The following IL1RAPL1 variants were observed in gnomAD, a reference collection of about 807,000 sequenced individuals.
The protein encoded by IL1RAPL1 is interleukin 1 receptor accessory protein like 1.
A neutral mutation model predicts 48.4 loss-of-function variants in IL1RAPL1; 3 were observed. That is an observed-to-expected ratio of 0.06 (90% CI 0.03 to 0.16). The LOEUF is 0.16. Among genes scored for constraint, IL1RAPL1 ranks in the 10% least tolerant of loss-of-function variants. The probability of loss-of-function intolerance (pLI) is 1.00; values close to 1 mark genes in which losing one functional copy is unlikely to be tolerated. For synonymous variants in IL1RAPL1, 185 were observed against 187.7 expected (o/e 0.99, Z 0.12); for missense variants, 349 against 530.6 (o/e 0.66, Z 3.36).
chrX:28,972,611 T>C (rs1053679270), intron 2 of IL1RAPL1, among the ~76,000 whole-genome samples: 40 of 109,695 alleles, frequency 3.6e-4, no homozygotes, highest in African/African-American at 1.1e-3. Flanking sequence ...TGGTGGCGGG[T>C]GCCTGTAGTC....
chrX:28,961,861 G>A (rs764314432), intron 2 of IL1RAPL1, among the ~76,000 whole-genome samples: 1 of 111,290 alleles, frequency 9.0e-6, no homozygotes. Flanking sequence ...GAGAAATATT[G>A]GTCTAGATAA....
chrX:29,133,970 C>G (rs1453108700), intron 2 of IL1RAPL1, among the ~76,000 whole-genome samples: 1 of 111,594 alleles, frequency 9.0e-6, no homozygotes, highest in Non-Finnish European at 1.9e-5. Context: ...GCTTATTTCA[C>G]TTAGTGATAT....
chrX:28,830,708 T>G (rs1265323752), intron 2 of IL1RAPL1, among the ~76,000 whole-genome samples: 6 of 111,015 alleles, frequency 5.4e-5, no homozygotes, highest in Admixed American at 4.8e-4. Flanking sequence ...TACTTTTCTA[T>G]TTTGTGTGTA....
intron 5 of IL1RAPL1, among the ~76,000 whole-genome samples, chrX:29,424,588 G>A (rs959501343): frequency 3.6e-5 from 4 of 111,721 alleles, no homozygotes; most frequent in African/African-American, 9.7e-5. Flanking sequence ...CAAAGAGTGG[G>A]AATTTTGAGT....
chrX:28,738,514 A>G (rs1312527940), intron 1 of IL1RAPL1, among the ~76,000 whole-genome samples: 2 of 111,148 alleles, frequency 1.8e-5, no homozygotes, highest in Admixed American at 1.9e-4. Context: ...GGAGTTCTCT[A>G]GGGTGGCAAA....
At chrX:28,840,590 GATTTA>G (rs1921344509) in intron 2 of IL1RAPL1, among the ~76,000 whole-genome samples, 1 of 110,474 alleles carries the variant, frequency 9.1e-6, no homozygotes, top group Non-Finnish European at 1.9e-5. Flanking sequence ...TAATTTAATT[GATTTA>G]ATTTTACATT....
At position 28,624,799 on chromosome X, in the gene IL1RAPL1, C is replaced by T. The variant is rs1030750369; in HGVS notation, c.-25+36752C>T. ...TTGATTTCCCCTGTAATTCCTCACACATTTTTTGTAGTCCCCAATGACTCT... is the reference window on the plus strand; with the variant it reads ...TTGATTTCCCCTGTAATTCCTCACATATTTTTTGTAGTCCCCAATGACTCT... On this transcript the variant is annotated intron_variant, in intron 1 of 10. Coordinates refer to ENST00000378993, the MANE Select transcript of IL1RAPL1 (RefSeq NM_014271.4). Among the ~76,000 whole-genome samples the T allele has an allele frequency of 2.7e-5, 3 of 112,055 alleles. No individual in the cohort carries two copies. The South Asian group carries it at 1.1e-3, about 42-fold the overall frequency.
chrX:29,952,704 A>T (rs1933343299), intron 9 of IL1RAPL1, among the ~76,000 whole-genome samples: 1 of 112,125 alleles, frequency 8.9e-6, no homozygotes, highest in Non-Finnish European at 1.9e-5. Flanking sequence ...TTTGGAGAAA[A>T]CTAGATTTTG....
At chrX:29,049,957 A>G (rs1477441731) in intron 2 of IL1RAPL1, among the ~76,000 whole-genome samples, 1 of 111,699 alleles carries the variant, frequency 9.0e-6, no homozygotes, top group East Asian at 2.8e-4. Flanking sequence ...TTCTCCACTA[A>G]TGTTCTTTTT....
At chrX:29,099,384 C>G (rs966124518) in intron 2 of IL1RAPL1, among the ~76,000 whole-genome samples, 9 of 111,631 alleles carry the variant, frequency 8.1e-5, no homozygotes, top group Non-Finnish European at 1.3e-4. Flanking sequence ...ATTAATAATA[C>G]TATTATAGGT....
intron 2 of IL1RAPL1, among the ~76,000 whole-genome samples, chrX:29,132,309 G>T (rs1236714230): frequency 1.8e-5 from 2 of 111,486 alleles, no homozygotes; most frequent in African/African-American, 6.5e-5. Context: ...ATTTGACTGT[G>T]GTCTCATAAG....
intron 1 of IL1RAPL1, among the ~76,000 whole-genome samples, chrX:28,713,283 C>G (rs1935463292): frequency 9.1e-6 from 1 of 110,493 alleles, no homozygotes; most frequent in African/African-American, 3.3e-5. Context: ...GTCTCGATCT[C>G]CTGAACTCGT....
intron 1 of IL1RAPL1, among the ~76,000 whole-genome samples, chrX:28,600,996 C>T (rs1053688924): frequency 1.8e-5 from 2 of 111,925 alleles, no homozygotes; most frequent in Non-Finnish European, 3.8e-5. Flanking sequence ...GATTTTCAAT[C>T]AAGTTAAATA....
At chrX:28,665,683 G>A (rs775200621) in intron 1 of IL1RAPL1, among the ~76,000 whole-genome samples, 3 of 110,706 alleles carry the variant, frequency 2.7e-5, no homozygotes, top group African/African-American at 9.9e-5. Flanking sequence ...TAGAGACAGG[G>A]TTTCACCATG....
chrX:29,131,658 A>G (rs1245915208), intron 2 of IL1RAPL1, among the ~76,000 whole-genome samples: 3 of 111,398 alleles, frequency 2.7e-5, no homozygotes, highest in African/African-American at 9.8e-5. Flanking sequence ...TGGCTCTCAA[A>G]TTTGACAGGT....
chrX:29,697,773 C>T lies in IL1RAPL1; in HGVS notation c.778+29269C>T, dbSNP rs945348277. Among the ~76,000 whole-genome samples the T allele has an allele frequency of 7.2e-5, 8 of 111,663 alleles. No homozygotes were observed. In the Admixed American group the frequency reaches 7.7e-4, roughly 11 times the overall value. On this transcript the variant is annotated intron_variant, in intron 6 of 10. Coordinates refer to ENST00000378993, the MANE Select transcript of IL1RAPL1 (RefSeq NM_014271.4). ...CCAAAATATATTCCAAATCTGCTCA[C>T]TGCTCTCCTTCACAGCCGACATGAG...
rs372310614 is a variant in IL1RAPL1 at position 28,643,476 on chromosome X, A to G, written c.-25+55429A>G. On this transcript the variant is annotated intron_variant, in intron 1 of 10. Transcript: ENST00000378993. The stretch of plus-strand genomic sequence containing the variant: ...ATGAAACCTATTCAATGTGTGAGAA[A>G]ACTACATAAGGGCATGAATAGCAGG... 4.5e-5 allele frequency among the ~76,000 whole-genome samples: 5 copies of G among 111,211 alleles called. No homozygotes were observed. The East Asian group carries it at 1.1e-3, about 25-fold the overall frequency.
In IL1RAPL1 at chrX:29,833,049, T is replaced by C. The variant is rs749420629; in HGVS notation, c.779-84415T>C. ...CTACCCCCCTGCTAAGGTACAAATA[T>C]CAGTAAAAAATGTGTATATTTGAAG... On this transcript the variant is annotated intron_variant, in intron 6 of 10. Coordinates refer to ENST00000378993, the MANE Select transcript of IL1RAPL1 (RefSeq NM_014271.4). Among the ~76,000 whole-genome samples the C allele has an allele frequency of 2.7e-5, 3 of 111,288 alleles. No homozygotes were observed. The East Asian group carries it at 8.4e-4, about 31-fold the overall frequency.
intron 5 of IL1RAPL1, among the ~76,000 whole-genome samples, chrX:29,587,001 A>T (rs985796911): frequency 4.5e-5 from 5 of 110,364 alleles, no homozygotes; most frequent in African/African-American, 1.3e-4. Flanking sequence ...TCAGATTTGG[A>T]TGCTTTTTGT....
Sources: allele counts gnomAD v4.1 joint callset (sites outside exome capture counted in the v4.1 genomes callset), GRCh38; gene constraint gnomAD v4.1.1; transcripts MANE v1.5; gene names NCBI Gene and HGNC (gene_info 2026-07-23, HGNC 2026-07-21).